ADCY1: variants seen among roughly 807,000 people sequenced by gnomAD.
ADCY1 encodes adenylate cyclase 1.
A neutral mutation model predicts 105.4 loss-of-function variants in ADCY1; 28 were observed. The ratio of observed to expected loss-of-function variants is 0.27; its 90% CI spans 0.20 to 0.36. The LOEUF is 0.36. Among genes scored for constraint, ADCY1 ranks in the 10% least tolerant of loss-of-function variants. The probability of loss-of-function intolerance (pLI) is 1.00; values close to 1 mark genes in which losing one functional copy is unlikely to be tolerated. For synonymous variants in ADCY1, 655 were observed against 623.8 expected (o/e 1.05, Z -0.75); for missense variants, 977 against 1,434.2 (o/e 0.68, Z 5.15).
chr7:45,646,881 T>C (rs1794677948), intron 4 of ADCY1, among the ~76,000 whole-genome samples: 1 of 152,234 alleles, frequency 6.6e-6, no homozygotes, highest in Admixed American at 6.5e-5. Context: ...ACCAGCTCCC[T>C]GTCAGCAGGA....
intron 5 of ADCY1, among the ~76,000 whole-genome samples, chr7:45,654,097 A>G (rs1288675294): frequency 6.6e-6 from 1 of 152,224 alleles, no homozygotes; most frequent in Non-Finnish European, 1.5e-5. Context: ...ACTGGGTTCT[A>G]GCAGCCGCTG....
At chr7:45,628,219 A>G (rs1794121168) in intron 4 of ADCY1, among the ~76,000 whole-genome samples, 1 of 152,222 alleles carries the variant, frequency 6.6e-6, no homozygotes, top group African/African-American at 2.4e-5. Flanking sequence ...GTGCTCGTAT[A>G]CAGGCCACTA....
intron 5 of ADCY1, among the ~76,000 whole-genome samples, chr7:45,656,882 C>T (rs188757208): frequency 1.3e-3 from 205 of 152,328 alleles, no homozygotes; most frequent in Middle Eastern, 3.4e-3. Flanking sequence ...AGGTTGGCCT[C>T]TTAAGCCTTG....
chr7:45,700,523 A>T (rs1211298339), intron 14 of ADCY1, among the ~76,000 whole-genome samples: 1 of 152,188 alleles, frequency 6.6e-6, no homozygotes, highest in Non-Finnish European at 1.5e-5. Flanking sequence ...GGACCCTGGG[A>T]TGCCCGCAAA....
chr7:45,676,028 A>G (rs1584323963), intron 8 of ADCY1, among the ~76,000 whole-genome samples: 1 of 149,678 alleles, frequency 6.7e-6, no homozygotes, highest in Admixed American at 6.7e-5. Flanking sequence ...TTAGTTCCAC[A>G]GTTCCAAAGG....
rs1210509029 is a variant in ADCY1, at chr7:45,717,446, A to G, written c.*3451A>G. On this transcript the variant is annotated 3_prime_UTR_variant, in exon 20 of 20. Coordinates refer to ENST00000297323, the MANE Select transcript of ADCY1 (RefSeq NM_021116.4). The stretch of plus-strand genomic sequence containing the variant: ...TATTATATTGCCTTATTTATTTTTA[A>G]TCATGTACAATATTCATGTACAAAT... 6.6e-6 allele frequency: 1 copy of G among 152,576 alleles called. No homozygotes were observed. The highest frequency in any genetic ancestry group is 1.5e-5 in the Non-Finnish European group (1 of 68,036). 9.5% of individuals were successfully genotyped at this position (152,576 alleles called of 1,614,324 possible).
intron 1 of ADCY1, among the ~76,000 whole-genome samples, chr7:45,590,577 C>T (rs148722129): frequency 2.5e-4 from 38 of 152,200 alleles, no homozygotes; most frequent in African/African-American, 6.5e-4. Context: ...ACATGCTCTG[C>T]GTTTTGTTTG....
chr7:45,651,568 A>C (rs1226825494), intron 5 of ADCY1, among the ~76,000 whole-genome samples: 1 of 152,128 alleles, frequency 6.6e-6, no homozygotes, highest in Non-Finnish European at 1.5e-5. Flanking sequence ...GCAGGGCTCC[A>C]TGCTGGGCCT....
intron 3 of ADCY1, among the ~76,000 whole-genome samples, chr7:45,620,824 A>G (rs1483309903): frequency 1.3e-5 from 2 of 152,196 alleles, no homozygotes; most frequent in East Asian, 1.9e-4. Context: ...GTATCCGGCA[A>G]AAATCACAAG....
At chr7:45,583,412 C>T (rs1030502811) in intron 1 of ADCY1, among the ~76,000 whole-genome samples, 1 of 152,186 alleles carries the variant, frequency 6.6e-6, no homozygotes, top group Non-Finnish European at 1.5e-5. Context: ...AGGAGAAAGT[C>T]CATGCTGGTA....
In ADCY1 at chr7:45,593,089, A is replaced by G. The variant is rs77533663; in HGVS notation, c.789+181A>G. Among the ~76,000 whole-genome samples, 644 of 152,330 alleles carry G rather than the reference A, an allele frequency of 4.2e-3. 4 individuals carry two copies. Among genetic ancestry groups the G allele is most frequent in the African/African-American group, 0.015 (623 of 41,576 alleles). On this transcript the variant is annotated intron_variant, in intron 2 of 19. Coordinates refer to ENST00000297323, the MANE Select transcript of ADCY1 (RefSeq NM_021116.4). ...GAGGTTTTATAGTTAGCAAATGGAC[A>G]GGCAGGCTGAGTTTGCTGCCCATGG...
Position 45,678,156 on chromosome 7 carries a change from T to A in ADCY1, c.1801-10T>A. The A allele has an allele frequency of 6.2e-7, 1 of 1,614,186 alleles. No homozygotes were observed. The highest frequency in any genetic ancestry group is 1.1e-5 in the South Asian group (1 of 91,086). ...CTCAGCCCTGATGGATTGACTTCTC[T>A]CTTACACAGTACCACCAGCTTCAGG... On this transcript the variant is annotated splice_polypyrimidine_tract_variant and intron_variant, in intron 9 of 19. Transcript: ENST00000297323.
At chr7:45,634,959 C>T (rs1014602161) in intron 4 of ADCY1, among the ~76,000 whole-genome samples, 7 of 152,094 alleles carry the variant, frequency 4.6e-5, no homozygotes, top group South Asian at 4.1e-4. Flanking sequence ...AACTCATAGA[C>T]GAGTTTGGGA....
intron 17 of ADCY1, among the ~76,000 whole-genome samples, chr7:45,707,688 TG>T (rs1477432726): frequency 6.6e-6 from 1 of 152,208 alleles, no homozygotes; most frequent in Non-Finnish European, 1.5e-5. Flanking sequence ...ATATCAATAT[TG>T]GTTCATCAGT....
Position 45,708,455 on chromosome 7 carries a change from C to T in ADCY1, c.2923C>T (p.Leu975Phe), listed in dbSNP as rs1268355445. The T allele has an allele frequency of 1.9e-6, 3 of 1,613,026 alleles. No homozygotes were observed. The highest frequency in any genetic ancestry group is 1.1e-5 in the South Asian group (1 of 91,052). Residue 975 changes from leucine to phenylalanine, a missense_variant, in exon 18 of 20, where the codon CTC becomes TTC. Around this residue, in one of 7 missense-constraint regions of ADCY1, gnomAD observed 152 missense variants for 293.7 expected, o/e 0.52. Coordinates refer to ENST00000297323, the MANE Select transcript of ADCY1 (RefSeq NM_021116.4). The surrounding 1 kb of genome is among the most constrained non-coding windows in gnomAD (Gnocchi z 4.7). The stretch of plus-strand genomic sequence containing the variant: ...CTACCAGTCTTACAACGACTTTGTC[C>T]TCCGAGTTGGTATGTGGCTCTAAAC... ...INYQSYNDFV[L>F]RVGINVGPVV...
rs1484270252 is a variant in ADCY1, at chr7:45,574,828, C to T, written c.285C>T (p.His95=). ...CGCCCGGCCTGGCCAAGGGCTCACA[C>T]CCGGTGCACTGCGTCCTCTTCCTGG... ...GPAPGLAKGS[H]PVHCVLFLAL... is the part of the protein sequence containing the mutation. The change falls in exon 1 of 20, where the codon CAC becomes CAT. Residue 95 remains histidine (H), a synonymous_variant. Transcript: ENST00000297323. The surrounding 1 kb of genome is among the most constrained non-coding windows in gnomAD (Gnocchi z 7.0). 4 of 1,610,000 alleles carry T rather than the reference C, an allele frequency of 2.5e-6. No individual in the cohort carries two copies. The highest frequency in any genetic ancestry group is 3.3e-5 in the Admixed American group (2 of 59,972).
chr7:45,661,497 TGGG>T (rs1795104282), intron 7 of ADCY1, among the ~76,000 whole-genome samples: 1 of 152,028 alleles, frequency 6.6e-6, no homozygotes, highest in Non-Finnish European at 1.5e-5. Flanking sequence ...GGAGCATTCA[TGGG>T]GTCCCACTTT....
Position 45,708,496 on chromosome 7 carries a change from A to G in ADCY1, c.2932+32A>G. The G allele has an allele frequency of 6.5e-7, 1 of 1,529,388 alleles. No individual in the cohort carries two copies. The highest frequency in any genetic ancestry group is 9.1e-7 in the Non-Finnish European group (1 of 1,103,680). The allele number at this position is 1,529,388 out of a possible 1,614,324, so 94.7% of individuals were successfully genotyped here. On this transcript the variant is annotated intron_variant, in intron 18 of 19. Transcript: ENST00000297323. The surrounding 1 kb of genome is among the most constrained non-coding windows in gnomAD (Gnocchi z 4.7). ...GGCTCTAAACCTATCCTGTCCATCCATGTGGAACACCTTCCTACACCCACC... is the reference window on the plus strand; with the variant it reads ...GGCTCTAAACCTATCCTGTCCATCCGTGTGGAACACCTTCCTACACCCACC...
rs371680378 is a variant in ADCY1 at position 45,717,878 on chromosome 7, T to C, written c.*3883T>C. 144 of 152,732 alleles carry C rather than the reference T, an allele frequency of 9.4e-4. No homozygotes were observed. Among genetic ancestry groups the C allele is most frequent in the Non-Finnish European group, 1.5e-3 (104 of 68,030 alleles). The allele number at this position is 152,732 out of a possible 1,614,324, so 9.5% of individuals were successfully genotyped here. Reference sequence around the variant, plus strand: ...TCTGGAACACCTGTCATAGAAGCAATAACTCTAACTCTATACTGTAGAGAT... The same window carrying C: ...TCTGGAACACCTGTCATAGAAGCAACAACTCTAACTCTATACTGTAGAGAT... On this transcript the variant is annotated 3_prime_UTR_variant, in exon 20 of 20. Coordinates refer to ENST00000297323, the MANE Select transcript of ADCY1 (RefSeq NM_021116.4).
Sources: allele counts gnomAD v4.1 joint callset (sites outside exome capture counted in the v4.1 genomes callset), GRCh38; gene constraint gnomAD v4.1.1; regional missense constraint gnomAD v4.1.1; non-coding constraint Gnocchi (gnomAD v3.1); transcripts MANE v1.5; gene names NCBI Gene and HGNC (gene_info 2026-07-23, HGNC 2026-07-21).